Variants in CTNND2 observed in about 807,000 individuals in gnomAD.
The protein encoded by CTNND2 is catenin delta-2.
CTNND2 carries 22 observed loss-of-function variants against 144.4 expected under a neutral mutation model. The ratio of observed to expected loss-of-function variants is 0.15; its 90% confidence interval spans 0.11 to 0.22. The LOEUF (loss-of-function observed/expected upper bound fraction) is 0.22. Among genes scored for constraint, CTNND2 ranks in the 10% least tolerant of loss-of-function variants. The pLI is 1.00. For synonymous variants in CTNND2, 751 were observed against 695.6 expected (o/e 1.08, Z -1.25); for missense variants, 1,353 against 1,618.8 (o/e 0.84, Z 2.82).
At chr5:11,449,600 AG>A (rs1765126925) in intron 3 of CTNND2, among the ~76,000 whole-genome samples, 1 of 152,216 alleles carries the variant, frequency 6.6e-6, no homozygotes, top group East Asian at 1.9e-4. Flanking sequence ...ACACTCAAAA[AG>A]CCCCCCATCC....
At chr5:11,318,930 T>G (rs769757461) in intron 9 of CTNND2, among the ~76,000 whole-genome samples, 1 of 139,362 alleles carries the variant, frequency 7.2e-6, no homozygotes, top group Non-Finnish European at 1.6e-5. Context: ...ATAATAATAA[T>G]AATATATATA....
At chr5:11,035,329 A>G (rs1743952754) in intron 16 of CTNND2, among the ~76,000 whole-genome samples, 1 of 152,168 alleles carries the variant, frequency 6.6e-6, no homozygotes, top group African/African-American at 2.4e-5. Flanking sequence ...TCCAGTTCCT[A>G]GAGGCCACCT....
chr5:11,062,394 T>A (rs1267384511), intron 16 of CTNND2, among the ~76,000 whole-genome samples: 1 of 152,228 alleles, frequency 6.6e-6, no homozygotes, highest in African/African-American at 2.4e-5. Flanking sequence ...GAAATTATGA[T>A]CTAGCATAAA....
intron 12 of CTNND2, among the ~76,000 whole-genome samples, chr5:11,143,018 G>A (rs371927006): frequency 3.3e-5 from 5 of 152,124 alleles, no homozygotes; most frequent in African/African-American, 1.2e-4. Flanking sequence ...ATGCATGCAG[G>A]AGCCAGACCT....
intron 12 of CTNND2, among the ~76,000 whole-genome samples, chr5:11,129,812 C>T (rs556998035): frequency 8.3e-4 from 126 of 152,168 alleles, no homozygotes; most frequent in Non-Finnish European, 1.5e-3. Context: ...TAAATGAATT[C>T]CCATAACATT....
intron 12 of CTNND2, among the ~76,000 whole-genome samples, chr5:11,139,465 C>T (rs1188266407): frequency 6.6e-6 from 1 of 152,226 alleles, no homozygotes; most frequent in African/African-American, 2.4e-5. Flanking sequence ...AATCTTTGCT[C>T]ACCTCCCTGG....
chr5:11,571,634 G>A (rs995549970), intron 2 of CTNND2, among the ~76,000 whole-genome samples: 3 of 152,014 alleles, frequency 2.0e-5, no homozygotes, highest in Admixed American at 6.6e-5. Flanking sequence ...GCCAATCTCC[G>A]GAGCTTACCA....
At chr5:11,511,325 G>A (rs1771624405) in intron 3 of CTNND2, among the ~76,000 whole-genome samples, 2 of 152,196 alleles carry the variant, frequency 1.3e-5, no homozygotes. Context: ...CCCAGGATGT[G>A]TCCAGAAATT....
intron 6 of CTNND2, 104 bp downstream of exon 6, chr5:11,396,927 C>T: frequency 4.1e-6 from 5 of 1,208,816 alleles, no homozygotes; most frequent in Non-Finnish European, 5.8e-6. Flanking sequence ...GACACACCTA[C>T]AAAAAAGGCA....
At chr5:11,738,348 G>C (rs1268170757) in intron 1 of CTNND2, among the ~76,000 whole-genome samples, 3 of 152,152 alleles carry the variant, frequency 2.0e-5, no homozygotes, top group African/African-American at 7.2e-5. Flanking sequence ...AAAGCAGTTA[G>C]GCCCTGCATG....
chr5:11,407,912 G>A, intron 5 of CTNND2, among the ~76,000 whole-genome samples: 1 of 151,796 alleles, frequency 6.6e-6, no homozygotes, highest in East Asian at 1.9e-4. Context: ...TGATAGTGCT[G>A]TACACTCACT....
intron 15 of CTNND2, among the ~76,000 whole-genome samples, chr5:11,091,535 A>G (rs1015847599): frequency 3.3e-5 from 5 of 152,152 alleles, no homozygotes. Context: ...GACATTCTCA[A>G]TTTTAATTTG....
chr5:11,816,443 T>C (rs1383913724), intron 1 of CTNND2, among the ~76,000 whole-genome samples: 3 of 151,354 alleles, frequency 2.0e-5, no homozygotes, highest in Non-Finnish European at 2.9e-5. Flanking sequence ...GCAAACAACA[T>C]GCATCAGGGT....
At chr5:11,162,658 A>G (rs1258261487) in intron 11 of CTNND2, among the ~76,000 whole-genome samples, 4 of 152,042 alleles carry the variant, frequency 2.6e-5, no homozygotes, top group Non-Finnish European at 5.9e-5. Context: ...TCACCTCTTG[A>G]TGAAGTCTTG....
chr5:11,066,829 G>A (rs974101731), intron 16 of CTNND2, among the ~76,000 whole-genome samples: 6 of 152,134 alleles, frequency 3.9e-5, no homozygotes, highest in East Asian at 1.9e-4. Flanking sequence ...TGTGGTCTCA[G>A]GTCAATTTAG....
intron 3 of CTNND2, among the ~76,000 whole-genome samples, chr5:11,564,294 T>G (rs1440692291): frequency 6.6e-6 from 1 of 152,224 alleles, no homozygotes; most frequent in Non-Finnish European, 1.5e-5. Context: ...TTATGTCTCT[T>G]TCACACACAC....
intron 7 of CTNND2, among the ~76,000 whole-genome samples, chr5:11,374,605 G>A (rs982877945): frequency 6.6e-6 from 1 of 152,070 alleles, no homozygotes; most frequent in Non-Finnish European, 1.5e-5. Flanking sequence ...TTATCAAGGA[G>A]GGGGATAAAA....
chr5:11,221,852 G>A (rs1739827547), intron 10 of CTNND2, among the ~76,000 whole-genome samples: 1 of 152,136 alleles, frequency 6.6e-6, no homozygotes, highest in African/African-American at 2.4e-5. Flanking sequence ...GGAGGAGAAA[G>A]GCCAAGGTTT....
chr5:11,832,212 G>A (rs1793943216), intron 1 of CTNND2, among the ~76,000 whole-genome samples: 1 of 152,140 alleles, frequency 6.6e-6, no homozygotes, highest in Non-Finnish European at 1.5e-5. Flanking sequence ...TGAACCCGGA[G>A]GCGGAGCTTG....
Sources: allele counts gnomAD v4.1 joint callset (sites outside exome capture counted in the v4.1 genomes callset), GRCh38; gene constraint gnomAD v4.1.1; transcripts MANE v1.5; gene names NCBI Gene and HGNC (gene_info 2026-07-23, HGNC 2026-07-21).